The following IFTAP variants were observed in gnomAD, a reference collection of about 807,000 sequenced individuals.
IFTAP encodes the protein intraflagellar transport associated protein, also known as intraflagellar transport-associated protein.
In IFTAP, 19 loss-of-function variants were observed where a neutral mutation model predicts 19.4. The observed-to-expected ratio is 0.98, with a 90% CI of 0.68 to 1.44. IFTAP has a LOEUF of 1.44. IFTAP is among the 40% of genes most tolerant of loss of function. The probability of loss-of-function intolerance (pLI) is 0.00; values close to 1 mark genes in which losing one functional copy is unlikely to be tolerated. For synonymous variants in IFTAP, 85 were observed against 83.5 expected, an observed-to-expected ratio of 1.02 and a Z score of -0.10; for missense variants, 240 against 253.6, an observed-to-expected ratio of 0.95 and a Z score of 0.36.
In IFTAP at chr11:36,648,020, G is replaced by T. The variant is rs1274921727; in HGVS notation, c.363G>T (p.Leu121Phe). The T allele has an allele frequency of 6.2e-7, 1 of 1,612,614 alleles. No homozygotes were observed. The highest frequency in any genetic ancestry group is 1.1e-5 in the South Asian group (1 of 90,850). Reference sequence around the variant, plus strand: ...GAAATGTTTTGTATCCAACAGATTTGCTGCTGCTTCCAGGAGAAGTGGAGC... The same window carrying T: ...GAAATGTTTTGTATCCAACAGATTTTCTGCTGCTTCCAGGAGAAGTGGAGC... The part of the protein sequence containing the change: ...EEIKPQMSED[L>F]LLLPGEVEQD... Residue 121 changes from leucine (L) to phenylalanine (F), a missense_variant, in exon 5 of 6, where the codon TTG (leucine) becomes TTT (phenylalanine). By Grantham distance (22) the Leu-to-Phe change is conservative. Transcript: ENST00000334307.
intron 5 of IFTAP, among the ~76,000 whole-genome samples, chr11:36,648,822 C>T (rs1457833433): frequency 5.9e-5 from 9 of 152,154 alleles, no homozygotes. Flanking sequence ...GGCTCACATT[C>T]CATTGGTGAC....
At chr11:36,596,211 G>GT (rs1243664769) in intron 1 of IFTAP, among the ~76,000 whole-genome samples, 1,322 of 100,430 alleles carry the variant, frequency 0.013, 60 homozygotes, top group African/African-American at 0.045. Flanking sequence ...AGATGGTAGT[G>GT]TTTTTTTTTT....
At chr11:36,636,923 GTTT>G (rs10616172) in intron 4 of IFTAP, among the ~76,000 whole-genome samples, 3,862 of 136,412 alleles carry the variant, frequency 0.028, 167 homozygotes, top group African/African-American at 0.094. Context: ...AAATCAGGAA[GTTT>G]TTTTTTTTTT....
intron 2 of IFTAP, among the ~76,000 whole-genome samples, chr11:36,631,164 GAAGCC>G (rs1227889573): frequency 6.6e-6 from 1 of 151,454 alleles, no homozygotes; most frequent in African/African-American, 2.5e-5. Context: ...TCCACCCACA[GAAGCC>G]AAGGTTGGGT....
chr11:36,617,229 T>TTTTGTATATTTATTTA, intron 2 of IFTAP, among the ~76,000 whole-genome samples: 2 of 148,818 alleles, frequency 1.3e-5, no homozygotes, highest in East Asian at 3.9e-4. Context: ...ATATTTATTT[T>TTTTGTATATTTATTTA]TTTGTATATT....
chr11:36,605,465 G>C lies in IFTAP; in HGVS notation c.-23-4616G>C, dbSNP rs554598400. On this transcript the variant is annotated intron_variant, in intron 1 of 5. Coordinates refer to ENST00000334307, the MANE Select transcript of IFTAP (RefSeq NM_138787.4). ...ACCTGAAAGTAAACATCAAAGGTGT[G>C]CTGAATCAGTGGTGACAATTTCATG... Among the ~76,000 whole-genome samples the C allele has an allele frequency of 4.6e-5, 7 of 152,270 alleles. No individual in the cohort carries two copies. In the South Asian group the frequency reaches 1.5e-3, roughly 32 times the overall value.
chr11:36,614,745 C>G lies in IFTAP; in HGVS notation c.136+4506C>G, dbSNP rs964676464. Among the ~76,000 whole-genome samples, 39 of 148,716 alleles carry G rather than the reference C, an allele frequency of 2.6e-4. No individual in the cohort carries two copies. In the South Asian group the frequency reaches 8.2e-3, roughly 31 times the overall value. ...TTGAGAAGTGTCTGTTCATGTCCTT[C>G]GCCCACTTTTTGATGGGGTTGTTTG... On this transcript the variant is annotated intron_variant, in intron 2 of 5. Transcript: ENST00000334307.
chr11:36,650,544 C>T (rs375190068), intron 5 of IFTAP, among the ~76,000 whole-genome samples: 49 of 141,070 alleles, frequency 3.5e-4, no homozygotes, highest in South Asian at 8.9e-4. Context: ...ACCACTGGTT[C>T]TTTTTTTTTT....
In IFTAP at chr11:36,644,405, T is replaced by C. The variant is rs186887641; in HGVS notation, c.359-3611T>C. ...AACACTTTTACACTGTTGGTGGGACTGTAAACTAGTTCAACTATTGCGGAA... is the reference window on the plus strand; with the variant it reads ...AACACTTTTACACTGTTGGTGGGACCGTAAACTAGTTCAACTATTGCGGAA... On this transcript the variant is annotated intron_variant, in intron 4 of 5. Coordinates refer to ENST00000334307, the MANE Select transcript of IFTAP (RefSeq NM_138787.4). Among the ~76,000 whole-genome samples the C allele has an allele frequency of 4.4e-3, 670 of 152,362 alleles. 11 individuals are homozygous for C. Among genetic ancestry groups the C allele is most frequent in the Admixed American group, 0.023 (359 of 15,304 alleles).
At chr11:36,656,448 T>G (rs1277113314) in intron 5 of IFTAP, among the ~76,000 whole-genome samples, 1 of 152,026 alleles carries the variant, frequency 6.6e-6, no homozygotes, top group African/African-American at 2.4e-5. Context: ...TATGCACCAG[T>G]TGTCCCAGCT....
intron 2 of IFTAP, among the ~76,000 whole-genome samples, chr11:36,622,824 A>G (rs1852354241): frequency 6.6e-6 from 1 of 152,188 alleles, no homozygotes; most frequent in Non-Finnish European, 1.5e-5. Context: ...TATTGTCTAC[A>G]GTGTTAGTTG....
intron 3 of IFTAP, among the ~76,000 whole-genome samples, chr11:36,634,690 G>A (rs1388438383): frequency 1.3e-5 from 2 of 152,172 alleles, no homozygotes; most frequent in Non-Finnish European, 2.9e-5. Flanking sequence ...CAGAAAAGGT[G>A]AAGGTAAGGC....
At chr11:36,596,777 T>G (rs182127266) in intron 1 of IFTAP, among the ~76,000 whole-genome samples, 1 of 152,344 alleles carries the variant, frequency 6.6e-6, no homozygotes, top group East Asian at 1.9e-4. Flanking sequence ...CAAGAACAGT[T>G]GTTTTAAAGC....
At chr11:36,629,868 C>G (rs1476651720) in intron 2 of IFTAP, among the ~76,000 whole-genome samples, 1 of 151,324 alleles carries the variant, frequency 6.6e-6, no homozygotes, top group African/African-American at 2.5e-5. Flanking sequence ...AAACTTTCGT[C>G]TCATCTGTAT....
intron 1 of IFTAP, among the ~76,000 whole-genome samples, chr11:36,600,032 G>T (rs1341007714): frequency 6.6e-6 from 1 of 152,192 alleles, no homozygotes; most frequent in Non-Finnish European, 1.5e-5. Flanking sequence ...TGGGTTAGTT[G>T]TCTCTTGACA....
rs189604742 is a variant in IFTAP at position 36,617,160 on chromosome 11, T to C, written c.136+6921T>C. On this transcript the variant is annotated intron_variant, in intron 2 of 5. Transcript: ENST00000334307. ...AAATTGATTTAAATAAAATATATCA[T>C]TAAAAATGATATTACTTTTTATTTG... is the stretch of plus-strand genomic sequence containing the variant. Among the ~76,000 whole-genome samples, 25 of 149,672 alleles carry C rather than the reference T, an allele frequency of 1.7e-4. No individual in the cohort carries two copies. In the East Asian group the frequency reaches 4.5e-3, roughly 27 times the overall value.
At chr11:36,656,398 T>C (rs148965748) in intron 5 of IFTAP, among the ~76,000 whole-genome samples, 1,816 of 152,110 alleles carry the variant, frequency 0.012, 20 homozygotes, top group East Asian at 0.031. Context: ...GGCGAAACCC[T>C]ATCTCTACTA....
At chr11:36,628,985 C>T (rs1160682541) in intron 2 of IFTAP, among the ~76,000 whole-genome samples, 2 of 151,354 alleles carry the variant, frequency 1.3e-5, no homozygotes, top group African/African-American at 4.9e-5. Flanking sequence ...CAGAGCACTG[C>T]AAAGGGAATT....
chr11:36,601,222 G>T (rs998962236), intron 1 of IFTAP, among the ~76,000 whole-genome samples: 1 of 152,188 alleles, frequency 6.6e-6, no homozygotes, highest in Non-Finnish European at 1.5e-5. Context: ...TTACTAAGTG[G>T]CAGATTTTTG....
Sources: gnomAD v4.1 joint callset for allele counts (sites outside exome capture counted in the v4.1 genomes callset) on GRCh38, gnomAD v4.1.1 for gene constraint, MANE v1.5 for transcripts, NCBI Gene and HGNC (gene_info 2026-07-23, HGNC 2026-07-21) for gene names.